Variants in PRELID2 observed in about 807,000 individuals in gnomAD.
The protein encoded by PRELID2 is PRELI domain containing 2, also known as PRELI domain-containing protein 2.
In PRELID2, 25 loss-of-function variants were observed where a neutral mutation model predicts 28.4. The ratio of observed to expected loss-of-function variants is 0.88; its 90% CI spans 0.64 to 1.23. The LOEUF is 1.23. PRELID2 is among the 50% of genes most tolerant of loss of function. PRELID2 has a pLI of 0.00. For synonymous variants in PRELID2, 76 were observed against 71.6 expected (o/e 1.06, Z -0.31); for missense variants, 201 against 214.4 (o/e 0.94, Z 0.39).
chr5:145,549,316 T>C (rs1447716402), intron 1 of PRELID2, among the ~76,000 whole-genome samples: 1 of 152,234 alleles, frequency 6.6e-6, no homozygotes, highest in Non-Finnish European at 1.5e-5. Flanking sequence ...TTAAATTGTG[T>C]TTCTTGAATA....
At chr5:145,603,462 G>A (rs1055984214) in intron 1 of PRELID2, among the ~76,000 whole-genome samples, 2 of 152,122 alleles carry the variant, frequency 1.3e-5, no homozygotes, top group African/African-American at 4.8e-5. Context: ...GTTCTACCAA[G>A]TGAATGTATG....
At chr5:145,704,746 C>G (rs1224196583) in intron 1 of PRELID2, among the ~76,000 whole-genome samples, 1 of 152,124 alleles carries the variant, frequency 6.6e-6, no homozygotes, top group African/African-American at 2.4e-5. Flanking sequence ...ACCTATGTTT[C>G]TCTCCTAGAT....
At chr5:145,449,893 C>T in the PRELID2 span, among the ~76,000 whole-genome samples, 1 of 152,082 alleles carries the variant, frequency 6.6e-6, no homozygotes, top group African/African-American at 2.4e-5. Context: ...ACAGGGCCTG[C>T]CGTGCTCCAC....
intron 1 of PRELID2, among the ~76,000 whole-genome samples, chr5:145,635,427 G>C (rs533001462): frequency 6.6e-6 from 1 of 151,988 alleles, no homozygotes; most frequent in Non-Finnish European, 1.5e-5. Flanking sequence ...TATATACCAG[G>C]TATTAACTTC....
the PRELID2 span, among the ~76,000 whole-genome samples, chr5:145,402,818 C>A: frequency 0.59 from 89,531 of 152,042 alleles, 26,733 homozygotes; most frequent in South Asian, 0.8. Flanking sequence ...CAGACTGAAT[C>A]GATGTCATAT....
chr5:145,696,455 A>C (rs1478938706), intron 1 of PRELID2, among the ~76,000 whole-genome samples: 1 of 151,918 alleles, frequency 6.6e-6, no homozygotes, highest in Non-Finnish European at 1.5e-5. Flanking sequence ...ACATTCCAGA[A>C]TTACTTCCTT....
the PRELID2 span, among the ~76,000 whole-genome samples, chr5:145,367,517 A>G: frequency 6.6e-6 from 1 of 152,010 alleles, no homozygotes; most frequent in East Asian, 1.9e-4. Flanking sequence ...TACATTCTAT[A>G]GGTTTGGACA....
At chr5:145,646,638 C>T (rs1416172396) in intron 1 of PRELID2, among the ~76,000 whole-genome samples, 1 of 152,174 alleles carries the variant, frequency 6.6e-6, no homozygotes, top group Admixed American at 6.5e-5. Context: ...AATTTTCAGC[C>T]TTTTTGCACT....
chr5:145,356,151 C>T, the PRELID2 span, among the ~76,000 whole-genome samples: 2 of 152,048 alleles, frequency 1.3e-5, no homozygotes, highest in African/African-American at 2.4e-5. Context: ...AACAGAAATA[C>T]TTATGTGATT....
chr5:145,456,535 C>T, the PRELID2 span, among the ~76,000 whole-genome samples: 1 of 152,258 alleles, frequency 6.6e-6, no homozygotes, highest in East Asian at 1.9e-4. Flanking sequence ...GACACTTGTA[C>T]CCTCAACCTG....
At chr5:145,518,089 A>G (rs1350209801) in intron 1 of PRELID2, among the ~76,000 whole-genome samples, 1 of 151,594 alleles carries the variant, frequency 6.6e-6, no homozygotes, top group Non-Finnish European at 1.5e-5. Context: ...ATGTATCCCT[A>G]TGTAACAAAC....
chr5:145,708,814 C>T (rs1242401071), intron 1 of PRELID2, among the ~76,000 whole-genome samples: 4 of 152,184 alleles, frequency 2.6e-5, no homozygotes, highest in African/African-American at 9.7e-5. Context: ...ATGCCAGTGC[C>T]AAGTTTCCTC....
chr5:145,464,291 T>C, the PRELID2 span, among the ~76,000 whole-genome samples: 1 of 152,134 alleles, frequency 6.6e-6, no homozygotes, highest in Admixed American at 6.6e-5. Context: ...CCTGGCTCAC[T>C]GAGGAAATAA....
chr5:145,768,351 T>A (rs1313379567), intron 5 of PRELID2, among the ~76,000 whole-genome samples: 5 of 152,160 alleles, frequency 3.3e-5, no homozygotes, highest in African/African-American at 4.8e-5. Context: ...TTCGTTCTTA[T>A]TCCCTTAACA....
chr5:145,551,202 A>C (rs559250328), intron 1 of PRELID2, among the ~76,000 whole-genome samples: 1 of 152,172 alleles, frequency 6.6e-6, no homozygotes, highest in African/African-American at 2.4e-5. Context: ...GGAGTTCAAG[A>C]CCAGCCTGGC....
the PRELID2 span, among the ~76,000 whole-genome samples, chr5:145,386,797 A>G: frequency 1.3e-5 from 2 of 152,212 alleles, no homozygotes; most frequent in Admixed American, 1.3e-4. Context: ...ATAATAAATG[A>G]GCACTTGATA....
chr5:145,350,820 A>T, the PRELID2 span, among the ~76,000 whole-genome samples: 25 of 152,126 alleles, frequency 1.6e-4, no homozygotes, highest in African/African-American at 6.0e-4. Flanking sequence ...AGCCCAGACT[A>T]TGAGAAGCCT....
the PRELID2 span, among the ~76,000 whole-genome samples, chr5:145,286,728 T>G: frequency 0.05 from 4,361 of 87,674 alleles, 189 homozygotes; most frequent in African/African-American, 0.12. Flanking sequence ...TTGTTTGTTT[T>G]TTTTTTTTTT....
At position 145,541,661 on chromosome 5, in the gene PRELID2, A is replaced by T. The variant is rs377568389; in HGVS notation, n.71-68346T>A. Among the ~76,000 whole-genome samples the T allele has an allele frequency of 6.6e-5, 10 of 152,184 alleles. 1 individual carries two copies. Among genetic ancestry groups the T allele is most frequent in the African/African-American group, 2.4e-4 (10 of 41,556 alleles). On this transcript the variant is annotated intron_variant and non_coding_transcript_variant, in intron 1 of 2. Coordinates refer to the PRELID2 transcript ENST00000510259. ...TTATTTCTGTAAATATGCACAAGAA[A>T]CTATAAAGGTAGTTTAATTGGGGGA...
Sources: allele counts gnomAD v4.1 joint callset (sites outside exome capture counted in the v4.1 genomes callset), GRCh38; gene constraint gnomAD v4.1.1; transcripts MANE v1.5; gene names NCBI Gene and HGNC (gene_info 2026-07-23, HGNC 2026-07-21).